Variants in PKIG observed in about 807,000 individuals in gnomAD.
PKIG encodes cAMP-dependent protein kinase inhibitor gamma.
PKIG carries 1 observed loss-of-function variant against 6.8 expected under a neutral mutation model. The ratio of observed to expected loss-of-function variants is 0.15; its 90% CI spans 0.05 to 0.69. The LOEUF (loss-of-function observed/expected upper bound fraction) is 0.69, where lower values mean the gene tolerates loss of function less well. Ranked by LOEUF, PKIG falls within the 30% of genes least tolerant of loss-of-function variation. The pLI is 0.82. For missense variants in PKIG, 77 were observed against 104.0 expected, an observed-to-expected ratio of 0.74 and a Z score of 1.13; for synonymous variants, 39 against 43.0, an observed-to-expected ratio of 0.91 and a Z score of 0.36.
chr20:44,562,351 C>A (rs1470680307), intron 1 of PKIG, among the ~76,000 whole-genome samples: 1 of 151,704 alleles, frequency 6.6e-6, no homozygotes, highest in Non-Finnish European at 1.5e-5. Flanking sequence ...TGGGCCCAGC[C>A]TTTAATCCCA....
chr20:44,541,546 A>T (rs958105861), intron 1 of PKIG, among the ~76,000 whole-genome samples: 1 of 152,206 alleles, frequency 6.6e-6, no homozygotes, highest in Non-Finnish European at 1.5e-5. Flanking sequence ...AAAACTTAAC[A>T]TTCTGCTGCT....
chr20:44,611,894 TA>T (rs1310428137), intron 2 of PKIG, among the ~76,000 whole-genome samples: 1 of 152,150 alleles, frequency 6.6e-6, no homozygotes, highest in Non-Finnish European at 1.5e-5. Context: ...GTGTCTGGCT[TA>T]TTTCACTTAA....
At chr20:44,573,867 T>A (rs8114106) in intron 1 of PKIG, among the ~76,000 whole-genome samples, 1,769 of 152,332 alleles carry the variant, frequency 0.012, 32 homozygotes, top group African/African-American at 0.041. Context: ...CCTAAGGAAG[T>A]ATTCAGTTTA....
intron 2 of PKIG, among the ~76,000 whole-genome samples, chr20:44,606,457 A>C (rs1367761640): frequency 6.6e-6 from 1 of 152,178 alleles, no homozygotes; most frequent in Non-Finnish European, 1.5e-5. Context: ...TAGGGCCTTT[A>C]AGAGGTGATT....
intron 2 of PKIG, chr20:44,598,611 C>T (rs2065094242): frequency 6.6e-6 from 1 of 152,230 alleles, no homozygotes; most frequent in East Asian, 1.9e-4. Flanking sequence ...CCTGTCCCCT[C>T]ACAGTAAGAT....
At chr20:44,566,170 C>T (rs1026441411) in intron 1 of PKIG, among the ~76,000 whole-genome samples, 1 of 152,236 alleles carries the variant, frequency 6.6e-6, no homozygotes, top group African/African-American at 2.4e-5. Context: ...AAAATCCAGC[C>T]TGCCACTTGT....
chr20:44,590,488 C>T (rs1179800821), intron 2 of PKIG, among the ~76,000 whole-genome samples: 2 of 152,212 alleles, frequency 1.3e-5, no homozygotes, highest in African/African-American at 4.8e-5. Context: ...CTAAATGTTT[C>T]TGGCATAAGT....
chr20:44,561,511 T>A lies in PKIG; in HGVS notation c.-240-21074T>A, dbSNP rs1296250825. On this transcript the variant is annotated intron_variant, in intron 1 of 4. Coordinates refer to the PKIG transcript ENST00000372887. ...AGTGAACTAGAAGATAGAAGAAAAT[T>A]CTCCAGAATAAACCTTCAAGAGATT... 2.0e-5 allele frequency among the ~76,000 whole-genome samples: 3 copies of A among 152,026 alleles called. 1 individual carries two copies. Among genetic ancestry groups the A allele is most frequent in the African/African-American group, 4.8e-5 (2 of 41,380 alleles).
chr20:44,603,550 G>T (rs2065139731), intron 2 of PKIG, among the ~76,000 whole-genome samples: 1 of 152,094 alleles, frequency 6.6e-6, no homozygotes, highest in Non-Finnish European at 1.5e-5. Flanking sequence ...ACTCCCAAGG[G>T]GGCAGTGTGA....
intron 2 of PKIG, among the ~76,000 whole-genome samples, chr20:44,595,923 C>A (rs998113369): frequency 1.3e-5 from 2 of 152,006 alleles, no homozygotes; most frequent in Non-Finnish European, 2.9e-5. Flanking sequence ...TATATTCACC[C>A]CATAAGTGGT....
In PKIG at chr20:44,617,136, C is replaced by G. The variant is rs902214957; in HGVS notation, c.152-1149C>G. Among the ~76,000 whole-genome samples the G allele has an allele frequency of 8.5e-5, 13 of 152,254 alleles. No individual in the cohort carries two copies. In the East Asian group the frequency reaches 2.3e-3, roughly 27 times the overall value. Reference sequence around the variant, plus strand: ...CCTCCATGTTACTGTGTGCATTGCACGAGAAAGTGCCCATCCATCTGCAGA... The same window carrying G: ...CCTCCATGTTACTGTGTGCATTGCAGGAGAAAGTGCCCATCCATCTGCAGA... On this transcript the variant is annotated intron_variant, in intron 3 of 3. Coordinates refer to ENST00000372886, the MANE Select transcript of PKIG (RefSeq NM_001281445.2).
At chr20:44,595,266 C>T (rs1476927162) in intron 2 of PKIG, among the ~76,000 whole-genome samples, 1 of 152,210 alleles carries the variant, frequency 6.6e-6, no homozygotes, top group Admixed American at 6.5e-5. Flanking sequence ...TAGCTTCCCT[C>T]AAACTCTCAA....
At chr20:44,566,705 A>T (rs184933126) in intron 1 of PKIG, among the ~76,000 whole-genome samples, 46 of 152,152 alleles carry the variant, frequency 3.0e-4, no homozygotes, top group Non-Finnish European at 2.9e-5. Flanking sequence ...AATTAGCTGG[A>T]TGTGGTGGTG....
chr20:44,556,654 C>T (rs139732565), intron 1 of PKIG, among the ~76,000 whole-genome samples: 11 of 152,200 alleles, frequency 7.2e-5, no homozygotes, highest in South Asian at 4.1e-4. Flanking sequence ...TGAGCCACCG[C>T]GCCTGGCCAA....
chr20:44,587,500 G>T (rs2064999967), intron 1 of PKIG, among the ~76,000 whole-genome samples: 1 of 152,190 alleles, frequency 6.6e-6, no homozygotes, highest in African/African-American at 2.4e-5. Context: ...CCCTGAATCT[G>T]AAGTCCAAAG....
chr20:44,562,301 G>A (rs1372297455), intron 1 of PKIG, among the ~76,000 whole-genome samples: 2 of 151,920 alleles, frequency 1.3e-5, no homozygotes, highest in African/African-American at 4.8e-5. Context: ...ATAAAGAAAG[G>A]AGCACAAATA....
chr20:44,593,210 G>A (rs2065047706), intron 2 of PKIG, among the ~76,000 whole-genome samples: 1 of 151,890 alleles, frequency 6.6e-6, no homozygotes, highest in South Asian at 2.1e-4. Context: ...TGCACCTGTA[G>A]TCCCAGCTAC....
intron 1 of PKIG, among the ~76,000 whole-genome samples, chr20:44,558,448 AT>A (rs1251852937): frequency 2.6e-5 from 4 of 152,182 alleles, no homozygotes; most frequent in African/African-American, 9.7e-5. Context: ...AATAGTAAGT[AT>A]TTGGGTAACA....
intron 1 of PKIG, among the ~76,000 whole-genome samples, chr20:44,562,367 T>C (rs1281170800): frequency 2.6e-5 from 4 of 151,262 alleles, no homozygotes; most frequent in Non-Finnish European, 5.9e-5. Context: ...TCCCAGTACT[T>C]TGGGGGACCG....
Sources: allele counts gnomAD v4.1 joint callset (sites outside exome capture counted in the v4.1 genomes callset), GRCh38; gene constraint gnomAD v4.1.1; transcripts MANE v1.5; gene names NCBI Gene and HGNC (gene_info 2026-07-23, HGNC 2026-07-21).